TACC3: variants seen among roughly 807,000 people sequenced by gnomAD.
TACC3 encodes the protein transforming acidic coiled-coil containing protein 3, also known as transforming acidic coiled-coil-containing protein 3.
Under a neutral mutation model 86.0 loss-of-function variants are expected in TACC3, and 52 were observed. The ratio of observed to expected loss-of-function variants is 0.60; its 90% CI spans 0.48 to 0.76. TACC3 has a LOEUF of 0.76. Among genes scored for constraint, TACC3 ranks in the 30% least tolerant of loss-of-function variants. The probability of loss-of-function intolerance (pLI) is 0.00; values close to 1 mark genes in which losing one functional copy is unlikely to be tolerated. For missense variants in TACC3, 1,120 were observed against 1,070.4 expected (o/e 1.05, Z -0.65); for synonymous variants, 512 against 430.0 (o/e 1.19, Z -2.36).
At chr4:1,733,752 C>T (rs951555445) in intron 6 of TACC3, among the ~76,000 whole-genome samples, 9 of 151,976 alleles carry the variant, frequency 5.9e-5, no homozygotes, top group Admixed American at 2.0e-4. Flanking sequence ...CTGAGGAGGG[C>T]GAATCACCTG....
chr4:1,722,080 G>A (rs1374384506), intron 1 of TACC3, among the ~76,000 whole-genome samples: 1 of 152,096 alleles, frequency 6.6e-6, no homozygotes, highest in Non-Finnish European at 1.5e-5. Flanking sequence ...GGCCCCTACC[G>A]CTTCCCCGCA....
intron 12 of TACC3, chr4:1,740,228 C>G (rs1718517194): frequency 3.4e-6 from 2 of 596,170 alleles, no homozygotes; most frequent in Admixed American, 3.0e-5. Flanking sequence ...TTGGCAGGCC[C>G]CACAGTTGTG....
intron 6 of TACC3, among the ~76,000 whole-genome samples, chr4:1,733,765 ATCAAGAGT>A (rs1259158053): frequency 6.6e-6 from 1 of 152,158 alleles, no homozygotes; most frequent in African/African-American, 2.4e-5. Flanking sequence ...ATCACCTGAG[ATCAAGAGT>A]TTGAGATCAG....
At chr4:1,739,549 G>T (rs1181081544) in intron 10 of TACC3, 153 bp from the exon 11 acceptor site, 1 of 705,800 alleles carries the variant, frequency 1.4e-6, no homozygotes, top group Admixed American at 2.8e-5. Flanking sequence ...CCTCGACAGG[G>T]TTCCCAGGGT....
intron 3 of TACC3, among the ~76,000 whole-genome samples, chr4:1,725,359 C>T (rs1717635058): frequency 6.6e-6 from 1 of 152,348 alleles, no homozygotes; most frequent in Non-Finnish European, 1.5e-5. Flanking sequence ...CTACATCCTT[C>T]TCTGGGCCCT....
intron 8 of TACC3, among the ~76,000 whole-genome samples, chr4:1,736,853 G>T (rs28558469): frequency 0.18 from 27,563 of 151,828 alleles, 2,742 homozygotes; most frequent in African/African-American, 0.21. Context: ...GGGGTTGCAG[G>T]GAGCCGAGAT....
At position 1,735,031 on chromosome 4, in the gene TACC3, C is replaced by T. The variant is rs1272457330; in HGVS notation, c.1592-242C>T. Among the ~76,000 whole-genome samples, 1 of 152,252 alleles carries T rather than the reference C, an allele frequency of 6.6e-6. No individual in the cohort carries two copies. Among genetic ancestry groups the T allele is most frequent in the Non-Finnish European group, 1.5e-5 (1 of 68,046 alleles). On this transcript the variant is annotated intron_variant, in intron 6 of 15. Transcript: ENST00000313288. The surrounding 1 kb of genome is among the most constrained non-coding windows in gnomAD (Gnocchi z 4.2). ...CCTTTCCCCAGATGTTTGTGGTTGT[C>T]ACACCTGGAGGTGCTGCTGGCAGGG...
intron 6 of TACC3, among the ~76,000 whole-genome samples, chr4:1,733,203 G>A (rs371262596): frequency 6.6e-5 from 10 of 152,120 alleles, no homozygotes; most frequent in South Asian, 2.1e-4. Context: ...TTATGTGCTC[G>A]TTGGATATCT....
rs748042153 is a variant in TACC3, at chr4:1,744,509, C to T, written c.2224-9C>T. On this transcript the variant is annotated splice_polypyrimidine_tract_variant and intron_variant, in intron 13 of 15. Coordinates refer to ENST00000313288, the MANE Select transcript of TACC3 (RefSeq NM_006342.3). Reference sequence around the variant, plus strand: ...GTGGTACCCACAGCTAATGCCTGCCCCTTCCTAGAACGAAGAGTCACTGAA... The same window carrying T: ...GTGGTACCCACAGCTAATGCCTGCCTCTTCCTAGAACGAAGAGTCACTGAA... 1.2e-6 allele frequency: 2 copies of T among 1,611,396 alleles called. No individual in the cohort carries two copies. The highest frequency in any genetic ancestry group is 1.7e-6 in the Non-Finnish European group (2 of 1,178,964).
At position 1,739,986 on chromosome 4, in the gene TACC3, T is replaced by G. The variant is rs766188327; in HGVS notation, c.2046T>G (p.Val682=). 1 of 1,613,078 alleles carries G rather than the reference T, an allele frequency of 6.2e-7. No individual in the cohort carries two copies. Among genetic ancestry groups the G allele is most frequent in the Admixed American group, 1.7e-5 (1 of 60,028 alleles). The part of the protein sequence containing the change: ...LGKIMDRFEE[V]VYQAMEEVQK... The stretch of plus-strand genomic sequence containing the variant: ...AGATCATGGACAGGTTCGAAGAGGT[T>G]GTGTACCAGGCCATGGGTGAGTGCC... The change falls in exon 12 of 16, where the codon GTT becomes GTG. Residue 682 remains valine (V), a synonymous_variant. Coordinates refer to ENST00000313288, the MANE Select transcript of TACC3 (RefSeq NM_006342.3).
chr4:1,739,334 TACTG>T (rs1478073618), intron 10 of TACC3: 47 of 251,586 alleles, frequency 1.9e-4, no homozygotes, highest in Admixed American at 1.7e-3. Flanking sequence ...GATCTGAACA[TACTG>T]ACTTACTGAT....
At position 1,744,727 on chromosome 4, in the gene TACC3, CG is replaced by C. The variant is rs1560331365; in HGVS notation, c.2347del (p.Ala783ProfsTer18). On this transcript the variant is annotated frameshift_variant, in exon 15 of 16. Coordinates refer to ENST00000313288, the MANE Select transcript of TACC3 (RefSeq NM_006342.3). LOFTEE classifies it high-confidence loss of function. ...EKLQLANEEIAQVRSKAQAEA... is the reference protein window; with the variant it reads ...EKLQLANEEIXQVRSKAQAEA... ...ACCCCTCCAGGGCAAACGAGGAGAT[CG>C]CCCAGGTCCGGAGCAAGGCCCAGGC... 1.2e-6 allele frequency: 2 copies of C among 1,612,474 alleles called. No individual in the cohort carries two copies. Among genetic ancestry groups the C allele is most frequent in the African/African-American group, 1.3e-5 (1 of 74,946 alleles).
chr4:1,722,663 G>A (rs1483648371), intron 1 of TACC3, among the ~76,000 whole-genome samples: 1 of 152,108 alleles, frequency 6.6e-6, no homozygotes, highest in Non-Finnish European at 1.5e-5. Flanking sequence ...TTCCTGCCCT[G>A]GTCGACACTC....
chr4:1,728,669 A>T lies in TACC3; in HGVS notation c.1267A>T (p.Lys423Ter). 6.2e-7 allele frequency: 1 copy of T among 1,613,814 alleles called. No homozygotes were observed. Among genetic ancestry groups the T allele is most frequent in the Non-Finnish European group, 8.5e-7 (1 of 1,180,014 alleles). Reference sequence around the variant, plus strand: ...CTTCATCCCGTTCGGAGGTGACACCAAGTCTGGTTGCAGTGAGGCCCAGCC... The same window carrying T: ...CTTCATCCCGTTCGGAGGTGACACCTAGTCTGGTTGCAGTGAGGCCCAGCC... ...PNFIPFGGDT[K>*]SGCSEAQPPE... Residue 423 changes from lysine (K) to a stop codon, truncating the protein, a stop_gained, in exon 4 of 16, where the codon AAG (lysine) becomes TAG (stop). Transcript: ENST00000313288. LOFTEE classifies it high-confidence loss of function.
intron 13 of TACC3, 25 bp from the exon 14 acceptor site, chr4:1,744,493 A>G: frequency 6.2e-7 from 1 of 1,605,504 alleles, no homozygotes; most frequent in Non-Finnish European, 8.5e-7. Flanking sequence ...CGTGGTACCC[A>G]CAGCTAATGC....
chr4:1,744,695 C>G lies in TACC3; in HGVS notation c.2331-17C>G, dbSNP rs554992075. Reference sequence around the variant, plus strand: ...CTGGGCCCCAGCTCAGCCTCTGCCCCGCCCCTACCCCTCCAGGGCAAACGA... The same window carrying G: ...CTGGGCCCCAGCTCAGCCTCTGCCCGGCCCCTACCCCTCCAGGGCAAACGA... On this transcript the variant is annotated splice_polypyrimidine_tract_variant and intron_variant, in intron 14 of 15. Transcript: ENST00000313288. 6.2e-7 allele frequency: 1 copy of G among 1,612,304 alleles called. No individual in the cohort carries two copies. The highest frequency in any genetic ancestry group is 8.5e-7 in the Non-Finnish European group (1 of 1,179,798).
chr4:1,735,623 G>T lies in TACC3; in HGVS notation c.1645-108G>T. ...GTTGTGGGTGACCGGGGGTGGGAGT[G>T]TGCGGGTGACCGGGGGTGGGAGTGT... On this transcript the variant is annotated intron_variant, in intron 7 of 15. Coordinates refer to ENST00000313288, the MANE Select transcript of TACC3 (RefSeq NM_006342.3). This position sits in a 1 kb window ranked among gnomAD's most constrained non-coding sequence, Gnocchi z 4.2. 1 of 886,532 alleles carries T rather than the reference G, an allele frequency of 1.1e-6. No individual in the cohort carries two copies. The highest frequency in any genetic ancestry group is 1.8e-6 in the Non-Finnish European group (1 of 542,810). The allele number at this position is 886,532 out of a possible 1,614,324, so 54.9% of individuals were successfully genotyped here.
chr4:1,739,705 A>G lies in TACC3; in HGVS notation c.1945A>G (p.Lys649Glu). ...YSQKDLDAVV[K>E]ATQEENRELR... ...GACTTGGGTGTGGCCTGAGCAGGTA[A>G]AGGCGACACAGGAGGAGAACCGGGA... Residue 649 changes from lysine (K) to glutamate (E), a missense_variant, in exon 11 of 16, where the codon AAG becomes GAG. Transcript: ENST00000313288. The G allele has an allele frequency of 1.9e-6, 3 of 1,578,206 alleles. No individual in the cohort carries two copies. Among genetic ancestry groups the G allele is most frequent in the Non-Finnish European group, 2.6e-6 (3 of 1,163,290 alleles).
chr4:1,739,642 G>T, intron 10 of TACC3, 60 bp from the exon 11 acceptor site: 1 of 1,489,074 alleles, frequency 6.7e-7, no homozygotes, highest in Non-Finnish European at 9.1e-7. Context: ...ATCCTGTGGG[G>T]AGGTCCTGGG....
Sources: allele counts gnomAD v4.1 joint callset (sites outside exome capture counted in the v4.1 genomes callset), GRCh38; gene constraint gnomAD v4.1.1; non-coding constraint Gnocchi (gnomAD v3.1); transcripts MANE v1.5; gene names NCBI Gene and HGNC (gene_info 2026-07-23, HGNC 2026-07-21).